The following NLGN1 variants were observed in gnomAD, a reference collection of about 807,000 sequenced individuals.
The protein encoded by NLGN1 is neuroligin-1.
In NLGN1, 12 loss-of-function variants were observed where a neutral mutation model predicts 65.5. The observed-to-expected ratio is 0.18, with a 90% confidence interval of 0.12 to 0.30. The LOEUF (loss-of-function observed/expected upper bound fraction) is 0.30, where lower values mean the gene tolerates loss of function less well. Among genes scored for constraint, NLGN1 ranks in the 10% least tolerant of loss-of-function variants. The pLI, the probability that NLGN1 is intolerant of heterozygous loss-of-function variation, is 1.00. For missense variants in NLGN1, 750 were observed against 1,007.1 expected, an observed-to-expected ratio of 0.74 and a Z score of 3.46; for synonymous variants, 350 against 359.5, an observed-to-expected ratio of 0.97 and a Z score of 0.30.
intron 3 of NLGN1, among the ~76,000 whole-genome samples, chr3:173,797,471 G>A (rs532872905): frequency 1.3e-5 from 2 of 152,066 alleles, no homozygotes; most frequent in Non-Finnish European, 2.9e-5. Flanking sequence ...AGTGTATTGG[G>A]ATAACTGGAC....
chr3:173,978,343 GA>G (rs959755481), intron 4 of NLGN1, among the ~76,000 whole-genome samples: 2 of 152,132 alleles, frequency 1.3e-5, no homozygotes, highest in African/African-American at 2.4e-5. Context: ...ATAATAAAGA[GA>G]AAGAGCAGTT....
chr3:173,889,963 G>T (rs986644627), intron 4 of NLGN1, among the ~76,000 whole-genome samples: 1 of 151,668 alleles, frequency 6.6e-6, no homozygotes, highest in Non-Finnish European at 1.5e-5. Flanking sequence ...AAAATAAAGG[G>T]CCTTCTCTTT....
rs867165712 is a variant in NLGN1, at chr3:173,491,384, C to T, written c.-321+56306C>T. Among the ~76,000 whole-genome samples the T allele has an allele frequency of 8.2e-4, 124 of 151,702 alleles. 4 individuals carry two copies. Among genetic ancestry groups the T allele is most frequent in the African/African-American group, 2.7e-3 (110 of 41,172 alleles). Reference sequence around the variant, plus strand: ...GTTTTTGTCATTGGTTCTGTTTATACGCTGGATTATGTTTATTGATTTTCA... The same window carrying T: ...GTTTTTGTCATTGGTTCTGTTTATATGCTGGATTATGTTTATTGATTTTCA... On this transcript the variant is annotated intron_variant, in intron 2 of 6. Transcript: ENST00000457714.
At chr3:174,049,684 C>T (rs1241947818) in intron 4 of NLGN1, among the ~76,000 whole-genome samples, 2 of 152,058 alleles carry the variant, frequency 1.3e-5, no homozygotes, top group Non-Finnish European at 2.9e-5. Context: ...ATTGATTATG[C>T]ATATTTCTCC....
chr3:173,552,553 G>T (rs1023358110), intron 2 of NLGN1, among the ~76,000 whole-genome samples: 4 of 152,072 alleles, frequency 2.6e-5, no homozygotes, highest in African/African-American at 9.7e-5. Flanking sequence ...CGATTTGAAG[G>T]GTGAGAATAA....
chr3:173,420,825 G>C (rs955042806), intron 1 of NLGN1, among the ~76,000 whole-genome samples: 1 of 152,168 alleles, frequency 6.6e-6, no homozygotes, highest in Non-Finnish European at 1.5e-5. Flanking sequence ...ACACTAATTT[G>C]ATATGTGTAC....
At chr3:174,222,886 TG>T (rs1374045747) in intron 4 of NLGN1, among the ~76,000 whole-genome samples, 91 of 152,310 alleles carry the variant, frequency 6.0e-4, no homozygotes, top group Middle Eastern at 3.4e-3. Context: ...TGGAAGTGTT[TG>T]TTTGAAAATA....
rs757835196 is a variant in NLGN1, at chr3:174,279,714, T to G, written c.1649+64T>G. 7.4e-6 allele frequency: 7 copies of G among 942,102 alleles called. No individual in the cohort carries two copies. The highest frequency in any genetic ancestry group is 1.1e-5 in the Non-Finnish European group (7 of 626,982). The allele number at this position is 942,102 out of a possible 1,614,324, so 58.4% of individuals were successfully genotyped here. A position where few individuals can be genotyped will look rare whatever the true frequency, so the allele number is the denominator to read the frequency against. On this transcript the variant is annotated intron_variant, in intron 6 of 6. Transcript: ENST00000457714. This position sits in a 1 kb window ranked among gnomAD's most constrained non-coding sequence, Gnocchi z 4.7. ...TGTTATTTTAACCATTTTAAAATAA[T>G]AGATATTTATGCCCAGATAATGTCA...
chr3:173,513,691 A>T (rs574287195), intron 2 of NLGN1, among the ~76,000 whole-genome samples: 6 of 152,248 alleles, frequency 3.9e-5, no homozygotes, highest in African/African-American at 1.2e-4. Flanking sequence ...AATAAAATAG[A>T]TATGTTCTCA....
chr3:174,081,251 G>T (rs969255877), intron 4 of NLGN1, among the ~76,000 whole-genome samples: 1 of 151,972 alleles, frequency 6.6e-6, no homozygotes, highest in Non-Finnish European at 1.5e-5. Flanking sequence ...GGTGAAATGG[G>T]GATACTTAAA....
At chr3:173,520,960 A>C (rs1734661701) in intron 2 of NLGN1, among the ~76,000 whole-genome samples, 1 of 152,180 alleles carries the variant, frequency 6.6e-6, no homozygotes, top group African/African-American at 2.4e-5. Flanking sequence ...TGGCAATTGA[A>C]GTTAGCAGGC....
chr3:173,935,873 A>C (rs576155321), intron 4 of NLGN1, among the ~76,000 whole-genome samples: 165 of 152,128 alleles, frequency 1.1e-3, no homozygotes, highest in South Asian at 5.4e-3. Context: ...TTATATCATG[A>C]GGGAAGTTGA....
intron 4 of NLGN1, among the ~76,000 whole-genome samples, chr3:174,117,136 T>A (rs1716651978): frequency 6.6e-6 from 1 of 152,212 alleles, no homozygotes; most frequent in African/African-American, 2.4e-5. Context: ...TCAATGATAC[T>A]TAATATTTTT....
Position 173,898,957 on chromosome 3 carries a change from A to G in NLGN1, c.646+91125A>G, listed in dbSNP as rs1202825946. Among the ~76,000 whole-genome samples the G allele has an allele frequency of 3.3e-5, 5 of 152,076 alleles. No homozygotes were observed. In the East Asian group the frequency reaches 5.8e-4, roughly 18 times the overall value. ...AAAACAATAGCAATAATAAAAATGA[A>G]GTTTGATCTGGGGTAAGGAGTTAGA... On this transcript the variant is annotated intron_variant, in intron 4 of 6. Coordinates refer to ENST00000457714, the Ensembl canonical transcript of NLGN1.
intron 3 of NLGN1, among the ~76,000 whole-genome samples, chr3:173,686,004 A>G (rs1764632423): frequency 6.6e-6 from 1 of 152,226 alleles, no homozygotes; most frequent in African/African-American, 2.4e-5. Flanking sequence ...GGCAGAGTCT[A>G]GCAATCATTA....
intron 3 of NLGN1, among the ~76,000 whole-genome samples, chr3:173,765,693 G>C (rs921313617): frequency 6.6e-6 from 1 of 152,060 alleles, no homozygotes; most frequent in Non-Finnish European, 1.5e-5. Context: ...ATTTTGGAAT[G>C]ACCATTGCCA....
intron 4 of NLGN1, among the ~76,000 whole-genome samples, chr3:174,192,430 T>C (rs1043848403): frequency 1.6e-4 from 24 of 152,186 alleles, no homozygotes; most frequent in African/African-American, 5.5e-4. Context: ...GATTAAATGC[T>C]TATAGAAATC....
chr3:173,962,897 C>T (rs568087301), intron 4 of NLGN1, among the ~76,000 whole-genome samples: 2 of 152,196 alleles, frequency 1.3e-5, no homozygotes, highest in African/African-American at 4.8e-5. Context: ...TTTTCTTTCA[C>T]TGGTATGTAG....
chr3:173,555,486 T>C (rs1274477863), intron 2 of NLGN1, among the ~76,000 whole-genome samples: 2 of 152,146 alleles, frequency 1.3e-5, no homozygotes, highest in Non-Finnish European at 2.9e-5. Context: ...TGTTTGCTTG[T>C]TTTCTGTTTT....
Sources: allele counts gnomAD v4.1 joint callset (sites outside exome capture counted in the v4.1 genomes callset), GRCh38; gene constraint gnomAD v4.1.1; non-coding constraint Gnocchi (gnomAD v3.1); transcripts MANE v1.5; gene names NCBI Gene and HGNC (gene_info 2026-07-23, HGNC 2026-07-21).